NISCH: variants seen among roughly 807,000 people sequenced by gnomAD.
NISCH encodes the protein nischarin, also known as I-1 receptor candidate protein.
NISCH carries 55 observed loss-of-function variants against 138.4 expected under a neutral mutation model. That is an observed-to-expected ratio of 0.40 (90% confidence interval 0.32 to 0.50). The LOEUF (loss-of-function observed/expected upper bound fraction) is 0.50, where lower values mean the gene tolerates loss of function less well. Among genes scored for constraint, NISCH ranks in the 20% least tolerant of loss-of-function variants. The pLI, the probability that NISCH is intolerant of heterozygous loss-of-function variation, is 0.71. For synonymous variants in NISCH, 860 were observed against 861.5 expected (o/e 1.00, Z 0.03); for missense variants, 1,643 against 2,005.5 (o/e 0.82, Z 3.45).
At chr3:52,489,173 C>T (rs929676326) in intron 16 of NISCH, among the ~76,000 whole-genome samples, 163 bp from the exon 17 acceptor site, 1 of 152,214 alleles carries the variant, frequency 6.6e-6, no homozygotes, top group Non-Finnish European at 1.5e-5. Flanking sequence ...AGCCACCGTG[C>T]CCGGCCGTGC....
intron 16 of NISCH, among the ~76,000 whole-genome samples, chr3:52,488,920 A>T (rs1400618436): frequency 6.6e-6 from 1 of 152,216 alleles, no homozygotes; most frequent in African/African-American, 2.4e-5. Context: ...GGAGAGCAAC[A>T]GGCTGCAGCA....
chr3:52,485,703 C>T, intron 14 of NISCH, 75 bp from the exon 15 acceptor site: 4 of 1,503,918 alleles, frequency 2.7e-6, no homozygotes, highest in South Asian at 1.2e-5. Flanking sequence ...ATGCCCAGCT[C>T]AGGGTCTGGC....
intron 3 of NISCH, among the ~76,000 whole-genome samples, chr3:52,461,219 C>T (rs192351795): frequency 6.6e-6 from 1 of 152,330 alleles, no homozygotes; most frequent in Admixed American, 6.5e-5. Flanking sequence ...GCATGGGCCA[C>T]AGAGACTCTG....
rs1226784569 is a variant in NISCH at position 52,489,408 on chromosome 3, C to T, written c.3186C>T (p.Ala1062=). 6.2e-7 allele frequency: 1 copy of T among 1,605,766 alleles called. No individual in the cohort carries two copies. Among genetic ancestry groups the T allele is most frequent in the Non-Finnish European group, 8.5e-7 (1 of 1,173,694 alleles). Residue 1062 remains alanine (A), a synonymous_variant, in exon 17 of 21, where the codon GCC becomes GCT. Transcript: ENST00000345716. ...APAPAEVPAP[A]PAAASASGPA... is the part of the protein sequence containing the mutation. ...CCCCAGCGGAAGTCCCAGCTCCAGC[C>T]CCTGCAGCAGCCTCAGCCTCAGGCC...
rs564438484 is a variant in NISCH at position 52,472,098 on chromosome 3, G to A, written c.573+121G>A. On this transcript the variant is annotated intron_variant, in intron 5 of 20. Transcript: ENST00000345716. ...GGGGACTGTTGGTGGAAGGAAGGCC[G>A]CCCGGTTATTCTTGGCACTATGCTT... 1,793 of 1,151,982 alleles carry A rather than the reference G, an allele frequency of 1.6e-3. 3 individuals are homozygous for A. Among genetic ancestry groups the A allele is most frequent in the Non-Finnish European group, 2.0e-3 (1,668 of 815,554 alleles). 71.4% of individuals were successfully genotyped at this position (1,151,982 alleles called of 1,614,324 possible).
In NISCH at chr3:52,488,335, T is replaced by C. The variant is rs1186464135; in HGVS notation, c.2843T>C (p.Leu948Pro). 2 of 1,613,006 alleles carry C rather than the reference T, an allele frequency of 1.2e-6. No homozygotes were observed. The highest frequency in any genetic ancestry group is 8.5e-7 in the Non-Finnish European group (1 of 1,179,980). The change falls in exon 16 of 21, where the codon CTC becomes CCC. Residue 948 changes from leucine (L) to proline (P), a missense_variant. Coordinates refer to ENST00000345716, the MANE Select transcript of NISCH (RefSeq NM_007184.4). ...AGCTTCAAGCTCAGCCGTGTGCCGC[T>C]CTCCACCGTGCTGCTGGACCCCACA... ...RNSFKLSRVPLSTVLLDPTRS... is the reference protein window; with the variant it reads ...RNSFKLSRVPPSTVLLDPTRS...
chr3:52,487,400 C>G lies in NISCH; in HGVS notation c.1908C>G (p.Gly636=). The G allele has an allele frequency of 6.2e-7, 1 of 1,613,084 alleles. No individual in the cohort carries two copies. Among genetic ancestry groups the G allele is most frequent in the Middle Eastern group, 1.7e-4 (1 of 6,058 alleles). ...NQREEGQGEQ[G]EEEDEEEEEE... ...GGGAGGAGGGCCAGGGTGAACAGGG[C>G]GAGGAGGAGGATGAGGAGGAGGAAG... Residue 636 remains glycine, a synonymous_variant, in exon 16 of 21, where the codon GGC becomes GGG. Coordinates refer to ENST00000345716, the MANE Select transcript of NISCH (RefSeq NM_007184.4). The surrounding 1 kb of genome is among the most constrained non-coding windows in gnomAD (Gnocchi z 9.1).
chr3:52,491,784 G>T, intron 20 of NISCH, 88 bp from the exon 21 acceptor site: 6 of 1,462,596 alleles, frequency 4.1e-6, no homozygotes, highest in Non-Finnish European at 5.5e-6. Flanking sequence ...CTCATGCCGG[G>T]GTCTCTCGGT....
intron 10 of NISCH, 72 bp downstream of exon 10, chr3:52,478,354 G>C: frequency 6.2e-7 from 1 of 1,606,218 alleles, no homozygotes; most frequent in Non-Finnish European, 8.5e-7. Context: ...AGAATGTTAA[G>C]ATTCCTTTCA....
At chr3:52,457,497 G>C (rs781081906) in intron 1 of NISCH, among the ~76,000 whole-genome samples, 8 of 152,208 alleles carry the variant, frequency 5.3e-5, no homozygotes, top group Admixed American at 6.5e-5. Context: ...GTTGGGTTTT[G>C]AGTTACCTAG....
At chr3:52,480,639 G>C in intron 13 of NISCH, 3 of 1,424,968 alleles carry the variant, frequency 2.1e-6, no homozygotes, top group Non-Finnish European at 2.7e-6. Context: ...AGCACAAGCA[G>C]GTTGGCTCCT....
rs117164680 is a variant in NISCH, at chr3:52,492,356, G to T, written c.4389G>T (p.Gln1463His). The change falls in exon 21 of 21, where the codon CAG (glutamine) becomes CAT (histidine). Residue 1463 changes from glutamine to histidine, a missense_variant. Transcript: ENST00000345716. ...CAGGTGGCCCGGCTAGAGCCAGCCA[G>T]GGCCGTGAAGTCCAGTGGCAGGTGT... ...EVPGGPARAS[Q>H]GREVQWQVFV... 5.4e-4 allele frequency: 873 copies of T among 1,613,438 alleles called. 14 individuals are homozygous for T. In the East Asian group the frequency reaches 0.017, roughly 32 times the overall value.
At position 52,489,686 on chromosome 3, in the gene NISCH, C is replaced by G; in HGVS notation, c.3456+8C>G. 5 of 1,608,058 alleles carry G rather than the reference C, an allele frequency of 3.1e-6. No homozygotes were observed. The highest frequency in any genetic ancestry group is 4.2e-6 in the Non-Finnish European group (5 of 1,177,470). The stretch of plus-strand genomic sequence containing the variant: ...CACAGCAGCATTGCTGAGGTAGCGG[C>G]CCGGGTGTGGGTGCCAGCTATGGCA... On this transcript the variant is annotated splice_region_variant and intron_variant, in intron 17 of 20. Transcript: ENST00000345716.
chr3:52,461,165 G>A (rs1706621815), intron 3 of NISCH, among the ~76,000 whole-genome samples: 1 of 152,228 alleles, frequency 6.6e-6, no homozygotes, highest in African/African-American at 2.4e-5. Flanking sequence ...TTGAACCTGG[G>A]AAGGGGAGGT....
In NISCH at chr3:52,462,556, C is replaced by T. The variant is rs537191637; in HGVS notation, c.360+3712C>T. Among the ~76,000 whole-genome samples the T allele has an allele frequency of 6.6e-5, 10 of 152,328 alleles. No individual in the cohort carries two copies. In the South Asian group the frequency reaches 2.1e-3, roughly 32 times the overall value. ...TGTCTGTATCCTCTCTGAAATTGTT[C>T]CACATGTGTTCTGCCTCTTGTGTTG... On this transcript the variant is annotated intron_variant, in intron 3 of 20. Transcript: ENST00000345716.
rs972572048 is a variant in NISCH, at chr3:52,488,436, A to G, written c.2944A>G (p.Thr982Ala). Reference protein sequence around the residue: ...LELLVGYRFVTAIFVLPHEKF... With the variant: ...LELLVGYRFVAAIFVLPHEKF... ...GCTGCTCGTGGGGTACCGCTTTGTC[A>G]CTGCCATCTTCGTGCTGCCCCACGA... Residue 982 changes from threonine (T) to alanine (A), a missense_variant, in exon 16 of 21, where the codon ACT (threonine) becomes GCT (alanine). By Grantham distance (58) the Thr-to-Ala change is moderately conservative. Transcript: ENST00000345716. The G allele has an allele frequency of 2.5e-6, 4 of 1,613,578 alleles. No individual in the cohort carries two copies. The highest frequency in any genetic ancestry group is 1.3e-5 in the African/African-American group (1 of 74,924).
chr3:52,472,254 G>A (rs780786069), intron 5 of NISCH, 49 bp from the exon 6 acceptor site: 10 of 1,534,096 alleles, frequency 6.5e-6, no homozygotes, highest in East Asian at 2.2e-5. Flanking sequence ...AGCACTCCCC[G>A]ATGGGCATGC....
rs1193409958 is a variant in NISCH at position 52,487,570 on chromosome 3, C to A, written c.2078C>A (p.Ala693Asp). Residue 693 changes from alanine (A) to aspartate (D), a missense_variant, in exon 16 of 21, where the codon GCC becomes GAC. Transcript: ENST00000345716. This position sits in a 1 kb window ranked among gnomAD's most constrained non-coding sequence, Gnocchi z 9.1. Reference sequence around the variant, plus strand: ...GAGGAGCGCCTGGCTCTGGAATGGGCCCTGGGCGCGGACGAGGACTTCCTG... The same window carrying A: ...GAGGAGCGCCTGGCTCTGGAATGGGACCTGGGCGCGGACGAGGACTTCCTG... ...AEEERLALEW[A>D]LGADEDFLLE... is the part of the protein sequence containing the mutation. The A allele has an allele frequency of 6.2e-7, 1 of 1,612,600 alleles. No individual in the cohort carries two copies. The highest frequency in any genetic ancestry group is 1.7e-5 in the Admixed American group (1 of 59,984).
At chr3:52,476,417 G>A in intron 7 of NISCH, 30 bp from the exon 8 acceptor site, 1 of 1,611,254 alleles carries the variant, frequency 6.2e-7, no homozygotes, top group Non-Finnish European at 8.5e-7. Context: ...GGGCCCGAGT[G>A]TGGTGCTCCA....
Sources: allele counts gnomAD v4.1 joint callset (sites outside exome capture counted in the v4.1 genomes callset), GRCh38; gene constraint gnomAD v4.1.1; non-coding constraint Gnocchi (gnomAD v3.1); transcripts MANE v1.5; gene names NCBI Gene and HGNC (gene_info 2026-07-23, HGNC 2026-07-21).